The following PTPRD variants were observed in gnomAD, a reference collection of about 807,000 sequenced individuals.
PTPRD encodes the protein receptor-type tyrosine-protein phosphatase delta.
In PTPRD, 34 loss-of-function variants were observed where a neutral mutation model predicts 214.5. The ratio of observed to expected loss-of-function variants is 0.16; its 90% confidence interval spans 0.12 to 0.21. The LOEUF (loss-of-function observed/expected upper bound fraction) is 0.21. PTPRD is among the 10% of genes least tolerant of loss of function. The pLI, the probability that PTPRD is intolerant of heterozygous loss-of-function variation, is 1.00. For synonymous variants in PTPRD, 1,128 were observed against 845.7 expected, an observed-to-expected ratio of 1.33 and a Z score of -5.79; for missense variants, 2,545 against 2,398.7, an observed-to-expected ratio of 1.06 and a Z score of -1.27.
At chr9:9,899,574 G>T (rs1252638612) in intron 5 of PTPRD, among the ~76,000 whole-genome samples, 2 of 151,978 alleles carry the variant, frequency 1.3e-5, no homozygotes, top group African/African-American at 4.8e-5. Flanking sequence ...TGGATGTGAA[G>T]AAATGAGAGC....
At chr9:9,988,058 T>G (rs2095784899) in intron 4 of PTPRD, among the ~76,000 whole-genome samples, 1 of 152,152 alleles carries the variant, frequency 6.6e-6, no homozygotes, top group African/African-American at 2.4e-5. Flanking sequence ...TTTAAACAGG[T>G]GTCTGAAAAT....
At chr9:9,004,155 A>G (rs1186116591) in intron 11 of PTPRD, among the ~76,000 whole-genome samples, 3 of 151,872 alleles carry the variant, frequency 2.0e-5, no homozygotes, top group African/African-American at 4.8e-5. Context: ...GTCAATCAGA[A>G]CTCCTCAAAT....
At chr9:9,614,440 T>A (rs868799308) in intron 7 of PTPRD, among the ~76,000 whole-genome samples, 1 of 152,170 alleles carries the variant, frequency 6.6e-6, no homozygotes, top group East Asian at 1.9e-4. Flanking sequence ...AATATATCAA[T>A]GCAATGTAAA....
chr9:8,391,973 C>T (rs2135801667), intron 36 of PTPRD, among the ~76,000 whole-genome samples: 1 of 149,698 alleles, frequency 6.7e-6, no homozygotes, highest in Middle Eastern at 3.4e-3. Context: ...TTTTGTTTAA[C>T]AAGGAGGGGG....
chr9:9,947,633 A>ATT (rs1344321897), intron 4 of PTPRD, among the ~76,000 whole-genome samples: 20 of 61,800 alleles, frequency 3.2e-4, no homozygotes, highest in Admixed American at 1.4e-3. Flanking sequence ...TTAAATATAT[A>ATT]TTTTATATAT....
chr9:9,987,786 T>C (rs552955576), intron 4 of PTPRD, among the ~76,000 whole-genome samples: 1 of 152,346 alleles, frequency 6.6e-6, no homozygotes, highest in Admixed American at 6.5e-5. Context: ...TAGTAATGTA[T>C]GGAATAAATT....
chr9:8,947,614 T>C (rs895306213), intron 11 of PTPRD, among the ~76,000 whole-genome samples: 23 of 152,122 alleles, frequency 1.5e-4, no homozygotes, highest in African/African-American at 4.8e-4. Flanking sequence ...AGGAAATAAA[T>C]TCTTCTTAGG....
At chr9:8,367,713 C>A (rs1337948649) in intron 39 of PTPRD, among the ~76,000 whole-genome samples, 2 of 152,202 alleles carry the variant, frequency 1.3e-5, no homozygotes, top group Non-Finnish European at 2.9e-5. Flanking sequence ...CTCAAACTCA[C>A]AGTCCAGAAA....
At chr9:10,276,935 T>C (rs1189183649) in intron 3 of PTPRD, among the ~76,000 whole-genome samples, 3 of 152,254 alleles carry the variant, frequency 2.0e-5, no homozygotes, top group African/African-American at 4.8e-5. Flanking sequence ...TGCGAGAACA[T>C]ATCAGTGGGA....
chr9:9,943,026 C>G (rs906908483), intron 4 of PTPRD, among the ~76,000 whole-genome samples: 1 of 151,940 alleles, frequency 6.6e-6, no homozygotes, highest in African/African-American at 2.4e-5. Context: ...CCTGCACTAA[C>G]TCGGGGCAAA....
At chr9:9,796,276 A>G (rs2099001938) in intron 5 of PTPRD, among the ~76,000 whole-genome samples, 1 of 152,186 alleles carries the variant, frequency 6.6e-6, no homozygotes, top group Admixed American at 6.5e-5. Flanking sequence ...TTCTTAATCC[A>G]GTTGCAGGGA....
chr9:9,445,683 A>G (rs1479305074), intron 8 of PTPRD, among the ~76,000 whole-genome samples: 1 of 152,276 alleles, frequency 6.6e-6, no homozygotes, highest in South Asian at 2.1e-4. Context: ...GAACAGCGGC[A>G]TGGGGTAAAT....
chr9:9,887,911 A>G (rs1488145002), intron 5 of PTPRD, among the ~76,000 whole-genome samples: 1 of 152,180 alleles, frequency 6.6e-6, no homozygotes, highest in Non-Finnish European at 1.5e-5. Flanking sequence ...TGGGGGCTTA[A>G]GTCTAATGGA....
At chr9:10,599,696 C>A (rs1215056420) in intron 2 of PTPRD, among the ~76,000 whole-genome samples, 1 of 151,768 alleles carries the variant, frequency 6.6e-6, no homozygotes, top group Non-Finnish European at 1.5e-5. Context: ...GTTACTTAAT[C>A]AGAAAACTCA....
Position 9,351,856 on chromosome 9 carries a change from C to T in PTPRD, c.-203+45593G>A, listed in dbSNP as rs530289265. On this transcript the variant is annotated intron_variant, in intron 9 of 45. Coordinates refer to ENST00000381196, the MANE Select transcript of PTPRD (RefSeq NM_002839.4). Reference sequence around the variant, plus strand: ...ACTCTCTGTGCCTCCATTTCTGTATCCGTCCATTGGAGATAACATGAATAT... The same window carrying T: ...ACTCTCTGTGCCTCCATTTCTGTATTCGTCCATTGGAGATAACATGAATAT... 4.6e-5 allele frequency among the ~76,000 whole-genome samples: 7 copies of T among 152,080 alleles called. No homozygotes were observed. In the East Asian group the frequency reaches 7.8e-4, roughly 17 times the overall value.
intron 3 of PTPRD, among the ~76,000 whole-genome samples, chr9:10,298,530 T>A (rs2095757717): frequency 6.6e-6 from 1 of 152,144 alleles, no homozygotes; most frequent in South Asian, 2.1e-4. Flanking sequence ...ATTTGTTTAA[T>A]ACTTTTCACT....
intron 11 of PTPRD, among the ~76,000 whole-genome samples, chr9:8,782,501 A>G (rs371258766): frequency 4.9e-4 from 74 of 152,288 alleles, no homozygotes; most frequent in African/African-American, 1.8e-3. Flanking sequence ...CATATGGCTA[A>G]AACATATGCC....
chr9:9,567,120 T>C (rs1326478555), intron 8 of PTPRD, among the ~76,000 whole-genome samples: 2 of 152,014 alleles, frequency 1.3e-5, no homozygotes, highest in African/African-American at 4.8e-5. Context: ...TGAAGATTCA[T>C]GAAATACTGC....
At chr9:9,731,463 T>G (rs766132648) in intron 7 of PTPRD, among the ~76,000 whole-genome samples, 10 of 30,116 alleles carry the variant, frequency 3.3e-4, no homozygotes, top group African/African-American at 9.4e-4. Flanking sequence ...AAATTTAAGG[T>G]TTTTTTTTAA....
Sources: allele counts gnomAD v4.1 joint callset (sites outside exome capture counted in the v4.1 genomes callset), GRCh38; gene constraint gnomAD v4.1.1; transcripts MANE v1.5; gene names NCBI Gene and HGNC (gene_info 2026-07-23, HGNC 2026-07-21).